SIGLEC11: variants seen among roughly 807,000 people sequenced by gnomAD.
The protein encoded by SIGLEC11 is sialic acid-binding Ig-like lectin 11.
SIGLEC11 carries 47 observed loss-of-function variants against 61.2 expected under a neutral mutation model. That is an observed-to-expected ratio of 0.77 (90% CI 0.61 to 0.98). The LOEUF is 0.98. SIGLEC11 is among the 50% of genes least tolerant of loss of function. The pLI, the probability that SIGLEC11 is intolerant of heterozygous loss-of-function variation, is 0.00. For synonymous variants in SIGLEC11, 278 were observed against 373.1 expected, an observed-to-expected ratio of 0.75 and a Z score of 2.94; for missense variants, 610 against 870.3, an observed-to-expected ratio of 0.70 and a Z score of 3.76.
Position 49,955,922 on chromosome 19 carries a change from G to A in SIGLEC11, c.1651+2361C>T, listed in dbSNP as rs1175402243. 2.1e-5 allele frequency among the ~76,000 whole-genome samples: 3 copies of A among 146,306 alleles called. No individual in the cohort carries two copies. In the South Asian group the frequency reaches 6.5e-4, roughly 32 times the overall value. ...TGCACTCCAGCCAGGGCAACAGAGC[G>A]AGACTCCGTCTCAAAAAAAAAAAAA... On this transcript the variant is annotated intron_variant, in intron 8 of 10. Transcript: ENST00000447370. This position sits in a 1 kb window ranked among gnomAD's most constrained non-coding sequence, Gnocchi z 4.5.
intron 8 of SIGLEC11, among the ~76,000 whole-genome samples, chr19:49,957,281 TA>T (rs766984502): frequency 5.9e-5 from 9 of 152,116 alleles, no homozygotes; most frequent in Admixed American, 2.0e-4. Flanking sequence ...TGCCTTCTAT[TA>T]AACTTCTTTT....
At position 49,958,848 on chromosome 19, in the gene SIGLEC11, G is replaced by A. The variant is rs772399210; in HGVS notation, c.1158C>T (p.Ser386=). Residue 386 remains serine, a synonymous_variant, in exon 7 of 11, where the codon AGC becomes AGT. Transcript: ENST00000447370. ...TGTGGGTGACACAGACCAGGCGCAG[G>A]CTTTGGCCCTCCAGGACCGGGAGGG... ...GTSLPVLEGQ[S]LRLVCVTHSS... 1 of 1,609,332 alleles carries A rather than the reference G, an allele frequency of 6.2e-7. No individual in the cohort carries two copies.
rs1418431728 is a variant in SIGLEC11 at position 49,950,005 on chromosome 19, A to G, written c.2062T>C (p.Leu688=). 5 of 1,513,082 alleles carry G rather than the reference A, an allele frequency of 3.3e-6. No individual in the cohort carries two copies. In the East Asian group the frequency reaches 7.1e-5, roughly 21 times the overall value. The allele number at this position is 1,513,082 out of a possible 1,614,324, so 93.7% of individuals were successfully genotyped here. ...ACCATCCCTGACATCTCCCTCTCCA[A>G]TTGAAGCCCAAAGCCTGGGCCCCTC... The part of the protein sequence containing the change: ...PLRGPGFGLQ[L]EREMSGMVPK The change falls in exon 11 of 11, where the codon TTG becomes CTG. Residue 688 remains leucine (L), a synonymous_variant. Transcript: ENST00000447370.
intron 10 of SIGLEC11, among the ~76,000 whole-genome samples, chr19:49,950,573 G>A (rs969990187): frequency 3.9e-5 from 6 of 152,048 alleles, no homozygotes; most frequent in East Asian, 1.9e-4. Context: ...CCCCAAACCC[G>A]CACATCTAAG....
intron 8 of SIGLEC11, among the ~76,000 whole-genome samples, chr19:49,957,007 G>C (rs1221332007): frequency 6.6e-6 from 1 of 152,198 alleles, no homozygotes. Flanking sequence ...GTTCAAACTT[G>C]GAAAGGGTGG....
chr19:49,957,888 G>C (rs1482191975), intron 8 of SIGLEC11, among the ~76,000 whole-genome samples: 1 of 152,126 alleles, frequency 6.6e-6, no homozygotes, highest in African/African-American at 2.4e-5. Flanking sequence ...CTACTCAGGT[G>C]GCTGAGGCAG....
chr19:49,950,946 C>G (rs2122878266), intron 10 of SIGLEC11, among the ~76,000 whole-genome samples: 1 of 152,296 alleles, frequency 6.6e-6, no homozygotes, highest in African/African-American at 2.4e-5. Flanking sequence ...ATTCCCCTTG[C>G]CCAGAGAAAG....
At chr19:49,958,163 G>C in intron 8 of SIGLEC11, 120 bp downstream of exon 8, 1 of 1,409,968 alleles carries the variant, frequency 7.1e-7, no homozygotes, top group Non-Finnish European at 9.7e-7. Flanking sequence ...CACAGAGCAG[G>C]GACTTTGTCC....
Position 49,952,419 on chromosome 19 carries a change from G to T in SIGLEC11, c.1652-25C>A, listed in dbSNP as rs188736707. 7.0e-3 allele frequency: 11,059 copies of T among 1,584,562 alleles called. 73 individuals carry two copies. The highest frequency in any genetic ancestry group is 8.4e-3 in the Non-Finnish European group (9,760 of 1,166,828). On this transcript the variant is annotated intron_variant, in intron 8 of 10. Transcript: ENST00000447370. ...CCTGCATGGGAGCAGGGTTTGGGGT[G>T]GTGCCCTCCTGGCCCTGAGACCCTC...
intron 8 of SIGLEC11, among the ~76,000 whole-genome samples, chr19:49,957,304 C>G (rs758317392): frequency 6.6e-6 from 1 of 151,574 alleles, no homozygotes; most frequent in Non-Finnish European, 1.5e-5. Context: ...TAAAAAACAT[C>G]AAAAGGGGGA....
rs1244821436 is a variant in SIGLEC11 at position 49,958,283 on chromosome 19, C to G, written c.1651G>C (p.Gly551Arg). The G allele has an allele frequency of 1.2e-6, 2 of 1,613,752 alleles. No homozygotes were observed. The highest frequency in any genetic ancestry group is 1.7e-6 in the Non-Finnish European group (2 of 1,179,948). Residue 551 changes from glycine to arginine, a missense_variant and splice_region_variant, in exon 8 of 11, where the codon GGG becomes CGG. Coordinates refer to ENST00000447370, the MANE Select transcript of SIGLEC11 (RefSeq NM_052884.3). Reference protein sequence around the residue: ...QSGSVFQLLPGKLEHGGGLGL... With the variant: ...QSGSVFQLLPRKLEHGGGLGL... ...CCTCAGCCCCCCACAGTCCCCTCAC[C>G]TGGTAGCAGCTGGAAGACAGAGCCA...
chr19:49,954,741 G>C (rs1475777150), intron 8 of SIGLEC11, among the ~76,000 whole-genome samples: 1 of 152,112 alleles, frequency 6.6e-6, no homozygotes, highest in East Asian at 1.9e-4. Flanking sequence ...AAGCGCAGGA[G>C]AGTAACATAG....
chr19:49,959,097 C>T lies in SIGLEC11; in HGVS notation c.1058-20G>A. 2 of 1,613,736 alleles carry T rather than the reference C, an allele frequency of 1.2e-6. No individual in the cohort carries two copies. The highest frequency in any genetic ancestry group is 1.7e-6 in the Non-Finnish European group (2 of 1,179,804). On this transcript the variant is annotated intron_variant, in intron 5 of 10. Coordinates refer to ENST00000447370, the MANE Select transcript of SIGLEC11 (RefSeq NM_052884.3). Reference sequence around the variant, plus strand: ...GAGGATCTGAAATGGAGACAGGGGACCGGCTCTAGACAGACCAGGGGCTTC... The same window carrying T: ...GAGGATCTGAAATGGAGACAGGGGATCGGCTCTAGACAGACCAGGGGCTTC...
chr19:49,952,406 C>A lies in SIGLEC11; in HGVS notation c.1652-12G>T. The A allele has an allele frequency of 6.2e-7, 1 of 1,601,004 alleles. No individual in the cohort carries two copies. The highest frequency in any genetic ancestry group is 8.5e-7 in the Non-Finnish European group (1 of 1,178,136). On this transcript the variant is annotated splice_polypyrimidine_tract_variant and intron_variant, in intron 8 of 10. Coordinates refer to ENST00000447370, the MANE Select transcript of SIGLEC11 (RefSeq NM_052884.3). ...ATGCTCCAGCTTCCCTGCATGGGAG[C>A]AGGGTTTGGGGTGGTGCCCTCCTGG...
At chr19:49,957,224 G>A (rs1170708885) in intron 8 of SIGLEC11, among the ~76,000 whole-genome samples, 3 of 151,942 alleles carry the variant, frequency 2.0e-5, no homozygotes, top group Non-Finnish European at 4.4e-5. Context: ...ATCAACCTTT[G>A]TCTAAAGAAA....
At chr19:49,950,278 G>T in intron 10 of SIGLEC11, 42 bp from the exon 11 acceptor site, 1 of 1,458,288 alleles carries the variant, frequency 6.9e-7, no homozygotes, top group Non-Finnish European at 9.1e-7. Flanking sequence ...GGGTCATGGG[G>T]GCTAAGCGAG....
Position 49,958,651 on chromosome 19 carries a change from G to A in SIGLEC11, c.1355C>T (p.Ser452Phe), listed in dbSNP as rs777762992. The change falls in exon 7 of 11, where the codon TCC (serine) becomes TTC (phenylalanine). Residue 452 changes from serine (S) to phenylalanine (F), a missense_variant. Transcript: ENST00000447370. ...CCCTTTCCCCCACTCACAGTGCACG[G>A]AGAGGCTGAGAGAGACGTGCTGGGA... ...LGSQHVSLSL[S>F]VHYPPQLLGP... The A allele has an allele frequency of 6.3e-7, 1 of 1,596,286 alleles. No homozygotes were observed. The highest frequency in any genetic ancestry group is 8.5e-7 in the Non-Finnish European group (1 of 1,171,516).
At chr19:49,953,074 G>A (rs1240136905) in intron 8 of SIGLEC11, among the ~76,000 whole-genome samples, 1 of 152,202 alleles carries the variant, frequency 6.6e-6, no homozygotes, top group African/African-American at 2.4e-5. Context: ...AGGGACCAGA[G>A]ACGGTAGGTT....
chr19:49,957,144 A>G (rs2122903106), intron 8 of SIGLEC11, among the ~76,000 whole-genome samples: 1 of 152,336 alleles, frequency 6.6e-6, no homozygotes, highest in South Asian at 2.1e-4. Flanking sequence ...CCTTGTTGGA[A>G]GCATTCAATC....
Sources: gnomAD v4.1 joint callset for allele counts (sites outside exome capture counted in the v4.1 genomes callset) on GRCh38, gnomAD v4.1.1 for gene constraint, Gnocchi (gnomAD v3.1) non-coding constraint, MANE v1.5 for transcripts, NCBI Gene and HGNC (gene_info 2026-07-23, HGNC 2026-07-21) for gene names.